ZMIZ1: variants seen among roughly 807,000 people sequenced by gnomAD.
ZMIZ1 encodes zinc finger MIZ-type containing 1.
ZMIZ1 carries 17 observed loss-of-function variants against 113.9 expected under a neutral mutation model. The ratio of observed to expected loss-of-function variants is 0.15; its 90% CI spans 0.10 to 0.22. ZMIZ1 has a LOEUF of 0.22. Among genes scored for constraint, ZMIZ1 ranks in the 10% least tolerant of loss-of-function variants. The pLI is 1.00. For synonymous variants in ZMIZ1, 607 were observed against 603.1 expected (o/e 1.01, Z -0.09); for missense variants, 1,059 against 1,477.8 (o/e 0.72, Z 4.65).
intron 9 of ZMIZ1, chr10:79,290,671 C>G: frequency 1.6e-6 from 1 of 624,674 alleles, no homozygotes; most frequent in Non-Finnish European, 3.0e-6. Flanking sequence ...CTTCACTGGG[C>G]TGCGCAGCCC....
intron 7 of ZMIZ1, among the ~76,000 whole-genome samples, chr10:79,249,211 G>A (rs1425739569): frequency 6.6e-6 from 1 of 152,188 alleles, no homozygotes; most frequent in Non-Finnish European, 1.5e-5. Flanking sequence ...GCTTTCCCTG[G>A]ATCCCCACAC....
chr10:79,112,482 C>T (rs1034587990), intron 1 of ZMIZ1, among the ~76,000 whole-genome samples: 1 of 152,118 alleles, frequency 6.6e-6, no homozygotes, highest in African/African-American at 2.4e-5. Context: ...TTCAGGAACC[C>T]CATGTTCCTG....
At chr10:79,108,649 C>T (rs549548480) in intron 1 of ZMIZ1, among the ~76,000 whole-genome samples, 27 of 152,206 alleles carry the variant, frequency 1.8e-4, no homozygotes, top group Admixed American at 1.3e-3. Context: ...AAATACCAAC[C>T]ATCACCCCCT....
At chr10:79,117,396 G>A (rs534245283) in intron 1 of ZMIZ1, among the ~76,000 whole-genome samples, 15 of 152,248 alleles carry the variant, frequency 9.9e-5, no homozygotes, top group East Asian at 1.9e-4. Flanking sequence ...ATTCTCTGTC[G>A]TGCCTGGCTT....
intron 1 of ZMIZ1, among the ~76,000 whole-genome samples, chr10:79,083,178 G>T (rs1458285993): frequency 1.3e-5 from 2 of 152,248 alleles, no homozygotes; most frequent in Admixed American, 1.3e-4. Flanking sequence ...CCAGGATAAG[G>T]TGATATAGGG....
At chr10:79,163,698 C>T (rs1846204706) in intron 4 of ZMIZ1, among the ~76,000 whole-genome samples, 1 of 152,210 alleles carries the variant, frequency 6.6e-6, no homozygotes, top group Non-Finnish European at 1.5e-5. Flanking sequence ...AGGGGCGGGG[C>T]CCCAGGACAA....
intron 1 of ZMIZ1, among the ~76,000 whole-genome samples, chr10:79,115,976 A>G (rs1321933058): frequency 2.6e-5 from 4 of 152,224 alleles, no homozygotes; most frequent in Non-Finnish European, 5.9e-5. Flanking sequence ...AGGGTGTAGC[A>G]TTATACTACG....
chr10:79,133,146 C>T (rs1844846235), intron 2 of ZMIZ1, among the ~76,000 whole-genome samples: 1 of 152,312 alleles, frequency 6.6e-6, no homozygotes, highest in South Asian at 2.1e-4. Context: ...CCCTAGTACA[C>T]TCTTTTCCTG....
intron 1 of ZMIZ1, among the ~76,000 whole-genome samples, chr10:79,114,821 C>T (rs930742338): frequency 1.3e-5 from 2 of 151,986 alleles, no homozygotes; most frequent in East Asian, 3.9e-4. Context: ...ATTTTAACGA[C>T]GCAGTAAGGC....
At position 79,314,724 on chromosome 10, in the gene ZMIZ1, T is replaced by G. The variant is rs1444803170; in HGVS notation, c.*1975T>G. The G allele has an allele frequency of 1.2e-5, 2 of 173,318 alleles. No homozygotes were observed. Among genetic ancestry groups the G allele is most frequent in the African/African-American group, 4.8e-5 (2 of 41,654 alleles). 10.7% of individuals were successfully genotyped at this position (173,318 alleles called of 1,614,324 possible). ...CAAAAAAAGCAACCAGGGCTATTTG[T>G]ACAGTTGAAGGGGTGAACAGAATGG... On this transcript the variant is annotated 3_prime_UTR_variant, in exon 25 of 25. Transcript: ENST00000334512.
intron 4 of ZMIZ1, among the ~76,000 whole-genome samples, chr10:79,163,136 G>C (rs1031609283): frequency 6.6e-6 from 1 of 152,280 alleles, no homozygotes; most frequent in African/African-American, 2.4e-5. Flanking sequence ...AAGGCGTCGT[G>C]GTGCTGGGGC....
chr10:79,112,049 G>A (rs963452420), intron 1 of ZMIZ1, among the ~76,000 whole-genome samples: 3 of 152,354 alleles, frequency 2.0e-5, no homozygotes, highest in Admixed American at 2.0e-4. Context: ...AGTGATTGTG[G>A]TGTGGCTGGA....
chr10:79,291,330 G>C (rs569103502), intron 10 of ZMIZ1, among the ~76,000 whole-genome samples, 154 bp downstream of exon 10: 13 of 152,226 alleles, frequency 8.5e-5, no homozygotes, highest in Non-Finnish European at 1.6e-4. Flanking sequence ...GTCATCCCTG[G>C]CTCCCAGGGC....
At position 79,293,955 on chromosome 10, in the gene ZMIZ1, A is replaced by G. The variant is rs1319164594; in HGVS notation, c.1230+302A>G. 1.2e-5 allele frequency: 6 copies of G among 505,414 alleles called. No individual in the cohort carries two copies. In the Admixed American group the frequency reaches 1.9e-4, roughly 16 times the overall value. 31.3% of individuals were successfully genotyped at this position (505,414 alleles called of 1,614,324 possible). A position where few individuals can be genotyped will look rare whatever the true frequency, so the allele number is the denominator to read the frequency against. The stretch of plus-strand genomic sequence containing the variant: ...CACTCAGCAAGCAGCAGTTCCTCTT[A>G]CTGTAGTGACTCTTGTCTTGGCTCA... On this transcript the variant is annotated intron_variant, in intron 12 of 24. Transcript: ENST00000334512.
At chr10:79,095,906 G>A (rs971399045) in intron 1 of ZMIZ1, among the ~76,000 whole-genome samples, 1 of 152,246 alleles carries the variant, frequency 6.6e-6, no homozygotes, top group African/African-American at 2.4e-5. Flanking sequence ...TGTACTACGT[G>A]TGGCCATCTA....
chr10:79,218,810 G>A (rs1380751808), intron 7 of ZMIZ1, among the ~76,000 whole-genome samples: 4 of 152,126 alleles, frequency 2.6e-5, no homozygotes, highest in African/African-American at 9.7e-5. Context: ...AGGTGTTGAG[G>A]TAGAAGGGGA....
chr10:79,298,942 C>A, intron 15 of ZMIZ1, 108 bp from the exon 16 acceptor site: 1 of 1,421,922 alleles, frequency 7.0e-7, no homozygotes, highest in Non-Finnish European at 9.4e-7. Flanking sequence ...TTTACACACC[C>A]CTGCCTTCCT....
At chr10:79,196,645 T>C (rs763182657) in intron 4 of ZMIZ1, among the ~76,000 whole-genome samples, 2 of 152,190 alleles carry the variant, frequency 1.3e-5, no homozygotes, top group African/African-American at 2.4e-5. Context: ...AAGCAGGACC[T>C]GGGCCCCCGC....
intron 6 of ZMIZ1, among the ~76,000 whole-genome samples, chr10:79,212,832 T>C (rs572867492): frequency 1.3e-5 from 2 of 152,088 alleles, no homozygotes; most frequent in South Asian, 4.2e-4. Flanking sequence ...CTTGAACTCT[T>C]GGGTGTAAGC....
Sources: allele counts gnomAD v4.1 joint callset (sites outside exome capture counted in the v4.1 genomes callset), GRCh38; gene constraint gnomAD v4.1.1; transcripts MANE v1.5; gene names NCBI Gene and HGNC (gene_info 2026-07-23, HGNC 2026-07-21).